Variants in GLIS3 observed in about 807,000 individuals in gnomAD.
The protein encoded by GLIS3 is GLIS family zinc finger 3.
In GLIS3, 53 loss-of-function variants were observed where a neutral mutation model predicts 78.6. The ratio of observed to expected loss-of-function variants is 0.67; its 90% CI spans 0.54 to 0.85. The LOEUF (loss-of-function observed/expected upper bound fraction) is 0.85, where lower values mean the gene tolerates loss of function less well. GLIS3 is among the 40% of genes least tolerant of loss of function. The pLI is 0.00. For synonymous variants in GLIS3, 684 were observed against 509.9 expected, an observed-to-expected ratio of 1.34 and a Z score of -4.60; for missense variants, 1,703 against 1,231.1, an observed-to-expected ratio of 1.38 and a Z score of -5.74.
At chr9:3,888,810 A>G (rs934437177) in intron 7 of GLIS3, among the ~76,000 whole-genome samples, 1 of 152,202 alleles carries the variant, frequency 6.6e-6, no homozygotes, top group Non-Finnish European at 1.5e-5. Flanking sequence ...GTTTATGCCC[A>G]TATACAACAT....
At chr9:4,279,314 A>AATAT (rs869244659) in intron 2 of GLIS3, among the ~76,000 whole-genome samples, 1 of 82,646 alleles carries the variant, frequency 1.2e-5, no homozygotes, top group African/African-American at 3.9e-5. Flanking sequence ...AAAAAAAAAA[A>AATAT]ATATATATAT....
the GLIS3 span, among the ~76,000 whole-genome samples, chr9:4,368,616 G>T: frequency 6.6e-6 from 1 of 152,216 alleles, no homozygotes; most frequent in Non-Finnish European, 1.5e-5. Flanking sequence ...CTCCCAAAGT[G>T]CTGGGATTAC....
At chr9:4,256,932 T>G (rs554361143) in intron 2 of GLIS3, among the ~76,000 whole-genome samples, 8 of 152,312 alleles carry the variant, frequency 5.3e-5, no homozygotes, top group African/African-American at 1.9e-4. Context: ...ATAGCCACGA[T>G]ATTGAAACAA....
the GLIS3 span, among the ~76,000 whole-genome samples, chr9:4,441,818 C>T: frequency 1.8e-3 from 281 of 152,246 alleles, 3 homozygotes; most frequent in South Asian, 0.011. Context: ...TTTGCCCAGG[C>T]TGTTCTAGAA....
At chr9:4,160,451 C>T (rs981072359) in intron 2 of GLIS3, among the ~76,000 whole-genome samples, 1 of 152,202 alleles carries the variant, frequency 6.6e-6, no homozygotes, top group African/African-American at 2.4e-5. Flanking sequence ...AGTACATCTC[C>T]CGCACAGCGG....
At chr9:3,900,670 C>G (rs561379572) in intron 6 of GLIS3, among the ~76,000 whole-genome samples, 4 of 152,080 alleles carry the variant, frequency 2.6e-5, no homozygotes, top group African/African-American at 9.6e-5. Context: ...AAGCAAAACT[C>G]AAAGTTTTAT....
chr9:4,322,791 T>G (rs1173027305), intron 2 of GLIS3, among the ~76,000 whole-genome samples: 1 of 152,186 alleles, frequency 6.6e-6, no homozygotes, highest in East Asian at 1.9e-4. Flanking sequence ...GTTTAAGTTC[T>G]TTGTAGATTT....
the GLIS3 span, among the ~76,000 whole-genome samples, chr9:4,475,533 A>G: frequency 0.73 from 110,919 of 152,094 alleles, 40,752 homozygotes; most frequent in Middle Eastern, 0.84. Flanking sequence ...AACTATGGAT[A>G]CACCCACACA....
At chr9:4,451,338 G>A in the GLIS3 span, among the ~76,000 whole-genome samples, 3 of 152,174 alleles carry the variant, frequency 2.0e-5, no homozygotes, top group Non-Finnish European at 2.9e-5. Context: ...GGAGCACCCA[G>A]ATTCATAAAA....
At chr9:4,107,471 C>T (rs762766828) in intron 4 of GLIS3, among the ~76,000 whole-genome samples, 10 of 152,118 alleles carry the variant, frequency 6.6e-5, no homozygotes, top group East Asian at 1.9e-4. Context: ...GATTGCAGAG[C>T]CATTAGATTG....
intron 1 of GLIS3, 123 bp downstream of exon 1, chr9:4,299,298 A>G (rs943791507): frequency 2.0e-5 from 3 of 152,214 alleles, no homozygotes; most frequent in African/African-American, 4.8e-5. Context: ...CCACCGGCTC[A>G]GCGTAGAAAA....
chr9:4,139,343 G>C (rs897972503), intron 2 of GLIS3, among the ~76,000 whole-genome samples: 1 of 152,176 alleles, frequency 6.6e-6, no homozygotes. Context: ...AATAGGTAAT[G>C]AATACAACTT....
At chr9:3,879,632 C>T in intron 7 of GLIS3, 37 bp from the exon 8 acceptor site, 1 of 1,610,800 alleles carries the variant, frequency 6.2e-7, no homozygotes, top group Non-Finnish European at 8.5e-7. Context: ...GACCGTGCCC[C>T]AAAGGAAGCC....
chr9:4,471,993 A>G, the GLIS3 span, among the ~76,000 whole-genome samples: 6 of 152,246 alleles, frequency 3.9e-5, no homozygotes, highest in Admixed American at 6.5e-5. Context: ...GCAGCCAACA[A>G]ACACATGAAA....
At chr9:4,172,084 G>A (rs1816421896) in intron 2 of GLIS3, among the ~76,000 whole-genome samples, 1 of 151,858 alleles carries the variant, frequency 6.6e-6, no homozygotes, top group Non-Finnish European at 1.5e-5. Context: ...TATATTTAAG[G>A]CTATATGAGA....
intron 8 of GLIS3, among the ~76,000 whole-genome samples, chr9:3,867,649 A>T (rs181488009): frequency 3.0e-3 from 463 of 152,198 alleles, no homozygotes; most frequent in African/African-American, 0.01. Flanking sequence ...GGATATCAGA[A>T]TTTTCTGCCT....
chr9:4,009,223 A>G (rs2130006264), intron 4 of GLIS3, among the ~76,000 whole-genome samples: 2 of 152,336 alleles, frequency 1.3e-5, no homozygotes, highest in South Asian at 4.1e-4. Context: ...CACACGGAGC[A>G]TGAGGAGGCT....
chr9:4,297,590 G>C (rs1000680575), intron 1 of GLIS3, among the ~76,000 whole-genome samples: 1 of 152,186 alleles, frequency 6.6e-6, no homozygotes, highest in Non-Finnish European at 1.5e-5. Flanking sequence ...GAGGGTGCAA[G>C]AGCAACCCTC....
rs112153116 is a variant in GLIS3, at chr9:3,838,494, G to A, written c.2474-9002C>T. Among the ~76,000 whole-genome samples, 1,012 of 152,260 alleles carry A rather than the reference G, an allele frequency of 6.6e-3. 8 individuals carry two copies. The highest frequency in any genetic ancestry group is 0.023 in the African/African-American group (968 of 41,550). On this transcript the variant is annotated intron_variant, in intron 9 of 10. Transcript: ENST00000381971. ...AAGGTTTGCTGAATCCAGGGATTCT[G>A]CTTCCTGGTGAATGGAATGGGCATG...
Sources: allele counts gnomAD v4.1 joint callset (sites outside exome capture counted in the v4.1 genomes callset), GRCh38; gene constraint gnomAD v4.1.1; transcripts MANE v1.5; gene names NCBI Gene and HGNC (gene_info 2026-07-23, HGNC 2026-07-21).